Variants in SYNE1 observed in about 807,000 individuals in gnomAD.
SYNE1 encodes the protein spectrin repeat containing nuclear envelope protein 1.
A neutral mutation model predicts 1,111.0 loss-of-function variants in SYNE1; 616 were observed. The observed-to-expected ratio is 0.55, with a 90% CI of 0.52 to 0.59. SYNE1 has a LOEUF of 0.59. Ranked by LOEUF, SYNE1 falls within the 20% of genes least tolerant of loss-of-function variation. SYNE1 has a pLI of 0.00. For missense variants in SYNE1, 10,006 were observed against 10,417.0 expected (o/e 0.96, Z 1.72); for synonymous variants, 3,855 against 3,825.8 (o/e 1.01, Z -0.28).
chr6:152,176,670 T>C, intron 129 of SYNE1, 110 bp from the exon 130 acceptor site: 1 of 1,109,746 alleles, frequency 9.0e-7, no homozygotes, highest in Admixed American at 1.8e-5. Flanking sequence ...GGAAGTAGTT[T>C]GAGCATAGGA....
At chr6:152,516,594 A>AT (rs907525953) in intron 6 of SYNE1, among the ~76,000 whole-genome samples, 1 of 151,760 alleles carries the variant, frequency 6.6e-6, no homozygotes, top group African/African-American at 2.4e-5. Context: ...TTTTATTTTT[A>AT]TTTTTTTTAA....
chr6:152,183,346 G>GT (rs1331016981), intron 128 of SYNE1, among the ~76,000 whole-genome samples: 1 of 152,176 alleles, frequency 6.6e-6, no homozygotes, highest in Non-Finnish European at 1.5e-5. Flanking sequence ...GCTGGGCCTG[G>GT]TGGCACATGC....
At chr6:152,387,524 G>A in intron 53 of SYNE1, 143 bp from the exon 54 acceptor site, 1 of 774,330 alleles carries the variant, frequency 1.3e-6, no homozygotes, top group Non-Finnish European at 2.1e-6. Flanking sequence ...AGTGCAGGGA[G>A]AAACACTACT....
intron 65 of SYNE1, 31 bp downstream of exon 65, chr6:152,359,284 G>A: frequency 6.2e-7 from 1 of 1,612,870 alleles, no homozygotes; most frequent in Non-Finnish European, 8.5e-7. Context: ...TCCCCTTTTG[G>A]TGAGTCTACA....
chr6:152,129,221 C>T (rs536081358), intron 145 of SYNE1: 3 of 152,294 alleles, frequency 2.0e-5, no homozygotes, highest in Non-Finnish European at 2.9e-5. Flanking sequence ...AGCAGATAGA[C>T]GCAATATTTG....
intron 31 of SYNE1, among the ~76,000 whole-genome samples, 170 bp from the exon 32 acceptor site, chr6:152,441,440 A>C (rs1356750187): frequency 6.6e-6 from 1 of 152,160 alleles, no homozygotes; most frequent in African/African-American, 2.4e-5. Flanking sequence ...TCTTTTCTCT[A>C]TGTTAATGTT....
intron 137 of SYNE1, chr6:152,144,116 C>A: frequency 2.8e-6 from 1 of 359,106 alleles, no homozygotes; most frequent in Non-Finnish European, 5.4e-6. Context: ...GTGTCTACTG[C>A]ATCTCAGTAA....
chr6:152,318,390 T>C (rs1258295367), intron 85 of SYNE1, 127 bp from the exon 86 acceptor site: 3 of 1,053,880 alleles, frequency 2.8e-6, no homozygotes, highest in Non-Finnish European at 4.2e-6. Flanking sequence ...AATTCTACTA[T>C]GATCAGGTCA....
At chr6:152,125,333 G>A in intron 145 of SYNE1, 1 of 1,550,322 alleles carries the variant, frequency 6.5e-7, no homozygotes. Flanking sequence ...GAAACAAGTG[G>A]TTTCCTCGTG....
In SYNE1 at chr6:152,233,898, C is replaced by G. The variant is rs866491515; in HGVS notation, c.20595G>C (p.Gln6865His). Residue 6865 changes from glutamine to histidine, a missense_variant, in exon 112 of 146, where the codon CAG becomes CAC. Gln to His is a conservative substitution (Grantham distance 24). This residue lies in a region of SYNE1 where 2,182 missense variants were observed against 2,287.8 expected (regional missense o/e 0.95). Transcript: ENST00000367255. ...LKSSVLSTGNQLLRLKKVDTA... is the reference protein window; with the variant it reads ...LKSSVLSTGNHLLRLKKVDTA... The stretch of plus-strand genomic sequence containing the variant: ...TGTCCACCTTTTTTAGTCGAAGGAG[C>G]TGATTTCCAGTACTCAGAACAGATG... 1 of 1,614,166 alleles carries G rather than the reference C, an allele frequency of 6.2e-7. No individual in the cohort carries two copies. Among genetic ancestry groups the G allele is most frequent in the Admixed American group, 1.7e-5 (1 of 60,020 alleles).
chr6:152,404,140 G>T, intron 46 of SYNE1, 73 bp downstream of exon 46: 1 of 962,334 alleles, frequency 1.0e-6, no homozygotes, highest in Non-Finnish European at 1.7e-6. Flanking sequence ...CACACACAGA[G>T]ACAGAGAAAG....
In SYNE1 at chr6:152,232,221, G is replaced by A. The variant is rs1490654093; in HGVS notation, c.20757C>T (p.Val6919=). Residue 6919 remains valine, a synonymous_variant, in exon 113 of 146, where the codon GTC becomes GTT. Coordinates refer to ENST00000367255, the MANE Select transcript of SYNE1 (RefSeq NM_182961.4). The stretch of plus-strand genomic sequence containing the variant: ...TTTCCATTAGAGAAATCCAACTCAT[G>A]ACTTCAGAAATGGCATGGCGGGAAG... ...KLPSRHAISE[V]MSWISLMENV... The A allele has an allele frequency of 2.5e-6, 4 of 1,613,840 alleles. No homozygotes were observed. Among genetic ancestry groups the A allele is most frequent in the Admixed American group, 1.7e-5 (1 of 60,004 alleles).
intron 3 of SYNE1, among the ~76,000 whole-genome samples, chr6:152,545,632 T>G (rs919915093): frequency 1.3e-5 from 2 of 152,118 alleles, no homozygotes; most frequent in African/African-American, 4.8e-5. Flanking sequence ...GTTTACATAA[T>G]TATATATAGG....
At position 152,376,796 on chromosome 6, in the gene SYNE1, G is replaced by A; in HGVS notation, c.9126C>T (p.Gly3042=). The A allele has an allele frequency of 2.5e-6, 4 of 1,613,912 alleles. No individual in the cohort carries two copies. Among genetic ancestry groups the A allele is most frequent in the South Asian group, 1.1e-5 (1 of 91,074 alleles). The change falls in exon 57 of 146, where the codon GGC becomes GGT. Residue 3042 remains glycine, a synonymous_variant. Coordinates refer to ENST00000367255, the MANE Select transcript of SYNE1 (RefSeq NM_182961.4). ...CTCACCAATTATACTCTTTAATCAA[G>A]CCAGAAACTTTTCCACTGTAGGTAC... is the stretch of plus-strand genomic sequence containing the variant. The part of the protein sequence containing the change: ...DLSTYSGKVS[G]LIKEYNCLCL...
At chr6:152,414,787 C>T (rs2098127134) in intron 41 of SYNE1, among the ~76,000 whole-genome samples, 1 of 152,000 alleles carries the variant, frequency 6.6e-6, no homozygotes, top group Non-Finnish European at 1.5e-5. Flanking sequence ...AAGGCCATGA[C>T]ACCCTGCAGC....
intron 95 of SYNE1, among the ~76,000 whole-genome samples, chr6:152,290,057 A>G (rs1384116693): frequency 6.6e-6 from 1 of 151,314 alleles, no homozygotes; most frequent in African/African-American, 2.4e-5. Flanking sequence ...CTCACATTCT[A>G]TTTTAGTTGT....
Position 152,152,041 on chromosome 6 carries a change from C to A in SYNE1, c.24230G>T (p.Ser8077Ile). 6.2e-7 allele frequency: 1 copy of A among 1,614,196 alleles called. No individual in the cohort carries two copies. The highest frequency in any genetic ancestry group is 1.3e-5 in the African/African-American group (1 of 75,040). ...ARENRTDSAC[S>I]LKQMVHEGNQ... ...GCCTTCGTGAACCATCTGTTTGAGG[C>A]TACATGCTGAATCAGTGCGGTTCTC... is the stretch of plus-strand genomic sequence containing the variant. The change falls in exon 134 of 146, where the codon AGC becomes ATC. Residue 8077 changes from serine (S) to isoleucine (I), a missense_variant. Coordinates refer to ENST00000367255, the MANE Select transcript of SYNE1 (RefSeq NM_182961.4).
intron 8 of SYNE1, among the ~76,000 whole-genome samples, chr6:152,506,023 T>C (rs2099056458): frequency 6.6e-6 from 1 of 152,214 alleles, no homozygotes; most frequent in Admixed American, 6.5e-5. Flanking sequence ...TTCCAATTAC[T>C]CCACCAATAA....
At chr6:152,185,157 A>G (rs1201259150) in intron 128 of SYNE1, 1 of 152,176 alleles carries the variant, frequency 6.6e-6, no homozygotes, top group Non-Finnish European at 1.5e-5. Flanking sequence ...TACAAACCAA[A>G]ACAGAATAAA....
Sources: allele counts gnomAD v4.1 joint callset (sites outside exome capture counted in the v4.1 genomes callset), GRCh38; gene constraint gnomAD v4.1.1; regional missense constraint gnomAD v4.1.1; transcripts MANE v1.5; gene names NCBI Gene and HGNC (gene_info 2026-07-23, HGNC 2026-07-21).